SMIM14: variants seen among roughly 807,000 people sequenced by gnomAD.
SMIM14 encodes small integral membrane protein 14.
Under a neutral mutation model 12.6 loss-of-function variants are expected in SMIM14, and 5 were observed. That is an observed-to-expected ratio of 0.40 (90% CI 0.21 to 0.83). The LOEUF (loss-of-function observed/expected upper bound fraction) is 0.83. Among genes scored for constraint, SMIM14 ranks in the 40% least tolerant of loss-of-function variants. The pLI, the probability that SMIM14 is intolerant of heterozygous loss-of-function variation, is 0.37. For synonymous variants in SMIM14, 30 were observed against 40.1 expected (o/e 0.75, Z 0.95); for missense variants, 86 against 119.1 (o/e 0.72, Z 1.29).
intron 1 of SMIM14, among the ~76,000 whole-genome samples, chr4:39,607,388 C>T (rs1714854086): frequency 6.6e-6 from 1 of 152,162 alleles, no homozygotes; most frequent in African/African-American, 2.4e-5. Context: ...CATAAATTAA[C>T]TTAAAATTAA....
intron 2 of SMIM14, among the ~76,000 whole-genome samples, chr4:39,586,916 G>C (rs1560294105): frequency 6.6e-6 from 1 of 151,940 alleles, no homozygotes; most frequent in Non-Finnish European, 1.5e-5. Flanking sequence ...CTGGCTTGTA[G>C]ATAGAGGTCT....
At chr4:39,611,459 T>C (rs1039411677) in intron 1 of SMIM14, among the ~76,000 whole-genome samples, 2 of 144,228 alleles carry the variant, frequency 1.4e-5, no homozygotes, top group South Asian at 2.1e-4. Flanking sequence ...TGACCCAAGA[T>C]AGCACTAATT....
chr4:39,566,175 A>G (rs1712564632), intron 3 of SMIM14, among the ~76,000 whole-genome samples: 4 of 151,114 alleles, frequency 2.6e-5, no homozygotes, highest in African/African-American at 9.7e-5. Flanking sequence ...GAGAAGTGGT[A>G]GAATTTTGGA....
chr4:39,633,330 A>G (rs1236641064), intron 1 of SMIM14, among the ~76,000 whole-genome samples: 1 of 152,150 alleles, frequency 6.6e-6, no homozygotes, highest in Non-Finnish European at 1.5e-5. Flanking sequence ...TATAGCTTCT[A>G]TTTGTAATTA....
At chr4:39,590,599 C>T (rs1050568548) in intron 2 of SMIM14, among the ~76,000 whole-genome samples, 6 of 151,624 alleles carry the variant, frequency 4.0e-5, no homozygotes, top group Admixed American at 6.6e-5. Context: ...GTCAGGAGTT[C>T]GAGACCAGCA....
rs1293644852 is a variant in SMIM14 at position 39,547,917 on chromosome 4, T to G, written c.*4209A>C. ...AAATGAAAAACATCTTTTTTTTTTT[T>G]TTTTTGAGACGGAGTTTCACTCTTG... is the stretch of plus-strand genomic sequence containing the variant. On this transcript the variant is annotated 3_prime_UTR_variant, in exon 5 of 5. Coordinates refer to ENST00000295958, the MANE Select transcript of SMIM14 (RefSeq NM_174921.3). 1 of 152,126 alleles carries G rather than the reference T, an allele frequency of 6.6e-6. No homozygotes were observed. Among genetic ancestry groups the G allele is most frequent in the Non-Finnish European group, 1.5e-5 (1 of 68,170 alleles). The allele number at this position is 152,126 out of a possible 1,614,324, so 9.4% of individuals were successfully genotyped here.
intron 2 of SMIM14, among the ~76,000 whole-genome samples, chr4:39,577,924 T>C (rs1713289524): frequency 6.6e-6 from 1 of 152,172 alleles, no homozygotes; most frequent in South Asian, 2.1e-4. Flanking sequence ...ACATTCCTCA[T>C]ATTCACAAAC....
Position 39,605,018 on chromosome 4 carries a change from G to T in SMIM14, c.75+53C>A, listed in dbSNP as rs368509091. 4 of 1,070,734 alleles carry T rather than the reference G, an allele frequency of 3.7e-6. No individual in the cohort carries two copies. The Admixed American group carries it at 8.5e-5, about 23-fold the overall frequency. The allele number at this position is 1,070,734 out of a possible 1,614,324, so 66.3% of individuals were successfully genotyped here. On this transcript the variant is annotated intron_variant, in intron 2 of 4. Coordinates refer to ENST00000295958, the MANE Select transcript of SMIM14 (RefSeq NM_174921.3). ...AATAACCAGTATTTTCATGAAAAGA[G>T]GATACAAGGGATACAGATCAGTTCA... is the stretch of plus-strand genomic sequence containing the variant.
chr4:39,621,847 CT>C (rs34194983), intron 1 of SMIM14, among the ~76,000 whole-genome samples: 313 of 141,786 alleles, frequency 2.2e-3, no homozygotes, highest in African/African-American at 4.4e-3. Flanking sequence ...TCATGCTTGG[CT>C]TTTTTTTTTT....
chr4:39,635,030 G>A (rs1202276258), intron 1 of SMIM14, among the ~76,000 whole-genome samples: 8 of 152,300 alleles, frequency 5.3e-5, no homozygotes, highest in Non-Finnish European at 1.0e-4. Context: ...ATTGATAAAT[G>A]CTGTGAAGAA....
intron 2 of SMIM14, among the ~76,000 whole-genome samples, chr4:39,603,394 T>C (rs1228932108): frequency 6.6e-6 from 1 of 151,586 alleles, no homozygotes; most frequent in East Asian, 1.9e-4. Context: ...CCATTTCTAC[T>C]AAAAAATACA....
intron 1 of SMIM14, among the ~76,000 whole-genome samples, chr4:39,628,187 C>T (rs1715769391): frequency 6.6e-6 from 1 of 151,396 alleles, no homozygotes; most frequent in South Asian, 2.1e-4. Context: ...CATGCCTGTA[C>T]ACCCAGCTAC....
intron 1 of SMIM14, among the ~76,000 whole-genome samples, chr4:39,629,777 T>C (rs1268822248): frequency 6.6e-5 from 10 of 151,940 alleles, no homozygotes; most frequent in Non-Finnish European, 1.0e-4. Context: ...GTGCATGCCA[T>C]CACACTCAGC....
chr4:39,561,829 G>C (rs1427093111), intron 3 of SMIM14, among the ~76,000 whole-genome samples: 2 of 151,990 alleles, frequency 1.3e-5, no homozygotes, highest in Admixed American at 1.3e-4. Context: ...CAGCTACTTG[G>C]GGGGTTGTAG....
intron 2 of SMIM14, among the ~76,000 whole-genome samples, chr4:39,573,688 T>C (rs1713015580): frequency 6.6e-6 from 1 of 151,962 alleles, no homozygotes; most frequent in Non-Finnish European, 1.5e-5. Context: ...CATTGAAAAT[T>C]AGAAGCAGAT....
intron 2 of SMIM14, among the ~76,000 whole-genome samples, chr4:39,592,347 C>T (rs564501129): frequency 2.7e-5 from 4 of 150,488 alleles, no homozygotes; most frequent in Non-Finnish European, 5.9e-5. Flanking sequence ...AAACAATCCT[C>T]CCGCCTCTGC....
chr4:39,632,832 A>C (rs1350776837), intron 1 of SMIM14, among the ~76,000 whole-genome samples: 9 of 150,386 alleles, frequency 6.0e-5, no homozygotes, highest in Admixed American at 2.0e-4. Flanking sequence ...CACACAAAAG[A>C]AAAAGAAAAA....
chr4:39,572,394 T>A, intron 3 of SMIM14, 21 bp downstream of exon 3: 1 of 1,516,714 alleles, frequency 6.6e-7, no homozygotes, highest in Non-Finnish European at 8.9e-7. Flanking sequence ...CCATCCTTCC[T>A]CCTGTCTCAG....
chr4:39,596,139 A>T (rs904864851), intron 2 of SMIM14, among the ~76,000 whole-genome samples: 4 of 151,942 alleles, frequency 2.6e-5, no homozygotes, highest in Non-Finnish European at 2.9e-5. Context: ...CTTGTTGCCC[A>T]GGCTGGAGTG....
Sources: allele counts gnomAD v4.1 joint callset (sites outside exome capture counted in the v4.1 genomes callset), GRCh38; gene constraint gnomAD v4.1.1; transcripts MANE v1.5; gene names NCBI Gene and HGNC (gene_info 2026-07-23, HGNC 2026-07-21).